CIC: variants seen among roughly 807,000 people sequenced by gnomAD.
The protein encoded by CIC is protein capicua homolog.
CIC carries 18 observed loss-of-function variants against 115.7 expected under a neutral mutation model. The observed-to-expected ratio is 0.16, with a 90% CI of 0.11 to 0.23. The LOEUF (loss-of-function observed/expected upper bound fraction) is 0.23. Ranked by LOEUF, CIC falls within the 10% of genes least tolerant of loss-of-function variation. The pLI, the probability that CIC is intolerant of heterozygous loss-of-function variation, is 1.00. For synonymous variants in CIC, 1,076 were observed against 923.0 expected, an observed-to-expected ratio of 1.17 and a Z score of -3.01; for missense variants, 2,000 against 2,159.3, an observed-to-expected ratio of 0.93 and a Z score of 1.46.
chr19:42,294,473 A>G, intron 19 of CIC, 131 bp from the exon 20 acceptor site: 9 of 1,545,936 alleles, frequency 5.8e-6, no homozygotes, highest in Non-Finnish European at 7.9e-6. Context: ...TTGCCCTGTG[A>G]CTGTGGGCAG....
intron 1 of CIC, among the ~76,000 whole-genome samples, chr19:42,271,228 C>T (rs751900283): frequency 8.5e-5 from 13 of 152,218 alleles, no homozygotes; most frequent in Non-Finnish European, 1.6e-4. Flanking sequence ...ATGTGACAGG[C>T]AGCACACTGA....
At position 42,292,388 on chromosome 19, in the gene CIC, G is replaced by A. The variant is rs767155091; in HGVS notation, c.5824G>A (p.Gly1942Arg). 6.8e-6 allele frequency: 11 copies of A among 1,612,608 alleles called. No homozygotes were observed. Among genetic ancestry groups the A allele is most frequent in the East Asian group, 2.2e-5 (1 of 44,866 alleles). Residue 1942 changes from glycine to arginine, a missense_variant, in exon 14 of 21, where the codon GGG becomes AGG. By Grantham distance (125) the Gly-to-Arg change is moderately radical. Around this residue, in one of 8 missense-constraint regions of CIC, gnomAD observed 1,466 missense variants for 1,390.4 expected, o/e 1.05. Transcript: ENST00000681038. ...CCAGGCTGGAACAGTCACCTCGTAC[G>A]GGCCCACGAGCTCTGTAGCTCTAGG... Reference protein sequence around the residue: ...SSQAGTVTSYGPTSSVALGFT... With the variant: ...SSQAGTVTSYRPTSSVALGFT...
chr19:42,295,143 G>GGGGCCCCCCCCCCCCCCCCCC lies in CIC; in HGVS notation c.7506_7507insGGGCCCCCCCCCCCCCCCCCC (p.Gln2502_Pro2503insGlyProProProProProPro). The stretch of plus-strand genomic sequence containing the variant: ...AGCCTGGCTGGGAGGGGGCTCCCCA[G>GGGGCCCCCCCCCCCCCCCCCC]CCCTCCCCCCCACCCCCAGGTCCCT... On this transcript the variant is annotated inframe_insertion, in exon 21 of 21. Transcript: ENST00000681038. 1.4e-6 allele frequency: 2 copies of GGGGCCCCCCCCCCCCCCCCCC among 1,382,728 alleles called. No homozygotes were observed. The highest frequency in any genetic ancestry group is 1.9e-6 in the Non-Finnish European group (2 of 1,037,818). The allele number at this position is 1,382,728 out of a possible 1,614,324, so 85.7% of individuals were successfully genotyped here. A position where few individuals can be genotyped will look rare whatever the true frequency, so the allele number is the denominator to read the frequency against.
Position 42,287,024 on chromosome 19 carries a change from C to T in CIC, c.2963C>T (p.Ala988Val), listed in dbSNP as rs2147175995. The change falls in exon 4 of 21, where the codon GCT becomes GTT. Residue 988 changes from alanine (A) to valine (V), a missense_variant. Ala to Val is a moderately conservative substitution (Grantham distance 64, BLOSUM62 0). Transcript: ENST00000681038. This position sits in a 1 kb window ranked among gnomAD's most constrained non-coding sequence, Gnocchi z 8.7. Reference sequence around the variant, plus strand: ...TCCCCAGAACCTGCTGAGTCGGCAGCTGTTGCTCATGAACGGCCACCAGGT... The same window carrying T: ...TCCCCAGAACCTGCTGAGTCGGCAGTTGTTGCTCATGAACGGCCACCAGGT... ...NQSKEPAESAAVAHERPPGGT... is the reference protein window; with the variant it reads ...NQSKEPAESAVVAHERPPGGT... 1 of 1,610,756 alleles carries T rather than the reference C, an allele frequency of 6.2e-7. No homozygotes were observed. The highest frequency in any genetic ancestry group is 8.5e-7 in the Non-Finnish European group (1 of 1,179,972).
rs1724576596 is a variant in CIC at position 42,289,063 on chromosome 19, C to A, written c.3834C>A (p.Asp1278Glu). The A allele has an allele frequency of 6.2e-7, 1 of 1,613,690 alleles. No individual in the cohort carries two copies. ...GVHSLDGGEVDSQALQELTQM... is the reference protein window; with the variant it reads ...GVHSLDGGEVESQALQELTQM... ...ACAGCCTGGACGGCGGAGAAGTAGA[C>A]AGTCAGGCGCTACAGGAACTGACGC... The change falls in exon 8 of 21, where the codon GAC becomes GAA. Residue 1278 changes from aspartate (D) to glutamate (E), a missense_variant. Physicochemically the swap from Asp to Glu is conservative, Grantham distance 45 (BLOSUM62 2). Coordinates refer to ENST00000681038, the MANE Select transcript of CIC (RefSeq NM_001386298.1).
At position 42,291,057 on chromosome 19, in the gene CIC, A is replaced by G. The variant is rs2038058972; in HGVS notation, c.5016A>G (p.Leu1672=). ...VGKAPATVTN[L]LVGTPGYGAP... ...AGGCGCCTGCCACTGTCACTAACCT[A>G]CTGGTGGGCACCCCGGGGTATGGGG... is the stretch of plus-strand genomic sequence containing the variant. Residue 1672 remains leucine, a synonymous_variant, in exon 11 of 21, where the codon CTA becomes CTG. Transcript: ENST00000681038. 1.2e-6 allele frequency: 2 copies of G among 1,613,628 alleles called. No homozygotes were observed. Among genetic ancestry groups the G allele is most frequent in the Non-Finnish European group, 1.7e-6 (2 of 1,179,880 alleles).
chr19:42,295,076 C>G lies in CIC; in HGVS notation c.7439C>G (p.Ala2480Gly). The change falls in exon 21 of 21, where the codon GCT becomes GGT. Residue 2480 changes from alanine (A) to glycine (G), a missense_variant. By Grantham distance (60) the Ala-to-Gly change is moderately conservative. This residue lies in a region of CIC where 133 missense variants were observed against 116.0 expected (regional missense o/e 1.15). Transcript: ENST00000681038. ...SPSSDSGTAQ[A>G]APPLPPPPES... ...AGCTCGGACTCTGGCACGGCCCAGG[C>G]TGCCCCGCCACTGCCTCCACCCCCA... 2.6e-6 allele frequency: 4 copies of G among 1,519,848 alleles called. No homozygotes were observed. Among genetic ancestry groups the G allele is most frequent in the Non-Finnish European group, 3.5e-6 (4 of 1,138,608 alleles). 94.1% of individuals were successfully genotyped at this position (1,519,848 alleles called of 1,614,324 possible). A position where few individuals can be genotyped will look rare whatever the true frequency, so the allele number is the denominator to read the frequency against.
rs1166161553 is a variant in CIC at position 42,294,018 on chromosome 19, C to T, written c.6851C>T (p.Thr2284Ile). 1 of 1,613,630 alleles carries T rather than the reference C, an allele frequency of 6.2e-7. No individual in the cohort carries two copies. Among genetic ancestry groups the T allele is most frequent in the Admixed American group, 1.7e-5 (1 of 60,024 alleles). Residue 2284 changes from threonine to isoleucine, a missense_variant, in exon 18 of 21, where the codon ACC (threonine) becomes ATC (isoleucine). Thr to Ile is a moderately conservative substitution (Grantham distance 89, BLOSUM62 -1). Transcript: ENST00000681038. Reference sequence around the variant, plus strand: ...CCTGAGGAGGTGCTGCCCTCCCCCACCCTGCAGTCTCTGGCCACCTCACCC... The same window carrying T: ...CCTGAGGAGGTGCTGCCCTCCCCCATCCTGCAGTCTCTGGCCACCTCACCC... ...FRPEEVLPSP[T>I]LQSLATSPRA...
In CIC at chr19:42,280,833, C is replaced by G. The variant is rs2037203202; in HGVS notation, c.2795-5938C>G. Among the ~76,000 whole-genome samples, 2 of 152,048 alleles carry G rather than the reference C, an allele frequency of 1.3e-5. No homozygotes were observed. Among genetic ancestry groups the G allele is most frequent in the East Asian group, 3.9e-4 (2 of 5,152 alleles). On this transcript the variant is annotated intron_variant, in intron 2 of 20. Transcript: ENST00000681038. This position sits in a 1 kb window ranked among gnomAD's most constrained non-coding sequence, Gnocchi z 4.9. The stretch of plus-strand genomic sequence containing the variant: ...CCTTGGCGCCTCCCTCAGCCCGCGC[C>G]GACCAACCCTCCCAGCCCAAGCGCC...
chr19:42,288,119 G>A (rs374919344), intron 7 of CIC, 144 bp downstream of exon 7: 15 of 891,884 alleles, frequency 1.7e-5, no homozygotes, highest in African/African-American at 1.0e-4. Flanking sequence ...TAAAGGAACC[G>A]GCAGTTGATT....
Position 42,294,825 on chromosome 19 carries a change from C to T in CIC, c.7188C>T (p.Ala2396=), listed in dbSNP as rs1227524847. The T allele has an allele frequency of 1.2e-6, 2 of 1,603,034 alleles. No homozygotes were observed. The highest frequency in any genetic ancestry group is 1.3e-5 in the African/African-American group (1 of 74,928). The part of the protein sequence containing the change: ...LFQDHGFFPS[A]QATAAFQARY... ...TCCCCACCGTTTTTCTATCTCCAGC[C>T]CAGGCCACAGCCGCCTTCCAGGCCC... Residue 2396 remains alanine, a splice_region_variant and synonymous_variant, in exon 21 of 21, where the codon GCC becomes GCT. Transcript: ENST00000681038.
At chr19:42,290,193 G>T (rs2037971670) in intron 10 of CIC, 40 bp from the exon 11 acceptor site, 1 of 1,613,452 alleles carries the variant, frequency 6.2e-7, no homozygotes, top group Admixed American at 1.7e-5. Flanking sequence ...CGAGGTGTCG[G>T]AGTGTCCTGA....
Position 42,272,485 on chromosome 19 carries a change from C to T in CIC, c.702C>T (p.Phe234=). 2.5e-6 allele frequency: 1 copy of T among 398,420 alleles called. No individual in the cohort carries two copies. The highest frequency in any genetic ancestry group is 3.6e-5 in the East Asian group (1 of 28,074). The allele number at this position is 398,420 out of a possible 1,614,324, so 24.7% of individuals were successfully genotyped here. A position where few individuals can be genotyped will look rare whatever the true frequency, so the allele number is the denominator to read the frequency against. Residue 234 remains phenylalanine (F), a synonymous_variant, in exon 2 of 21, where the codon TTC becomes TTT. Coordinates refer to ENST00000681038, the MANE Select transcript of CIC (RefSeq NM_001386298.1). ...GAAGCCAGGACCTGGGCGTGCAGTTCCCTGGTGACCGAGCCCTGACTTTCT... is the reference window on the plus strand; with the variant it reads ...GAAGCCAGGACCTGGGCGTGCAGTTTCCTGGTGACCGAGCCCTGACTTTCT... ...VRRSQDLGVQ[F]PGDRALTFYE...
At position 42,288,925 on chromosome 19, in the gene CIC, C is replaced by T. The variant is rs368991948; in HGVS notation, c.3696C>T (p.Leu1232=). 4 of 1,614,132 alleles carry T rather than the reference C, an allele frequency of 2.5e-6. No homozygotes were observed. The highest frequency in any genetic ancestry group is 2.7e-5 in the African/African-American group (2 of 75,050). ...TCCTGTCCGTTGCAGCCCAGACACT[C>T]CTGAGCTCAGACACCAAGGCTCCGG... ...SELLSVAAQT[L]LSSDTKAPGS... Residue 1232 remains leucine (L), a synonymous_variant, in exon 8 of 21, where the codon CTC becomes CTT. Transcript: ENST00000681038.
chr19:42,287,206 C>T lies in CIC; in HGVS notation c.3145C>T (p.Leu1049=), dbSNP rs2147184061. The T allele has an allele frequency of 3.1e-6, 5 of 1,613,742 alleles. No individual in the cohort carries two copies. Among genetic ancestry groups the T allele is most frequent in the Non-Finnish European group, 4.2e-6 (5 of 1,179,926 alleles). ...EASGPPGEPR[L]DSETESDHDD... ...CTCCGGCCCCCCAGGAGAGCCCCGG[C>T]TGGACAGTGAGACAGAGAGTGACCA... The change falls in exon 4 of 21, where the codon CTG becomes TTG. Residue 1049 remains leucine, a synonymous_variant. Coordinates refer to ENST00000681038, the MANE Select transcript of CIC (RefSeq NM_001386298.1). This position sits in a 1 kb window ranked among gnomAD's most constrained non-coding sequence, Gnocchi z 8.7.
chr19:42,271,756 C>A lies in CIC; in HGVS notation c.-10-18C>A. 5.0e-6 allele frequency: 2 copies of A among 398,680 alleles called. No homozygotes were observed. The highest frequency in any genetic ancestry group is 8.8e-6 in the Non-Finnish European group (2 of 226,124). The allele number at this position is 398,680 out of a possible 1,614,324, so 24.7% of individuals were successfully genotyped here. A position where few individuals can be genotyped will look rare whatever the true frequency, so the allele number is the denominator to read the frequency against. ...TCCTGAGTTGCTCCGCGTAATCCTC[C>A]GCTCTCCCACCCTGCAGGTGGACAA... On this transcript the variant is annotated intron_variant, in intron 1 of 20. Transcript: ENST00000681038.
chr19:42,291,787 C>T (rs1599922506), intron 12 of CIC, 42 bp downstream of exon 12: 2 of 1,605,676 alleles, frequency 1.2e-6, no homozygotes, highest in East Asian at 2.2e-5. Context: ...ATGTTGGCCC[C>T]TGTACCCCAT....
At chr19:42,288,681 T>C (rs2037844478) in intron 7 of CIC, among the ~76,000 whole-genome samples, 1 of 151,940 alleles carries the variant, frequency 6.6e-6, no homozygotes, top group African/African-American at 2.4e-5. Context: ...CCCCAGGGAA[T>C]GGGCCTGCTG....
At chr19:42,278,262 G>T (rs555394627) in intron 2 of CIC, among the ~76,000 whole-genome samples, 1 of 152,240 alleles carries the variant, frequency 6.6e-6, no homozygotes, top group African/African-American at 2.4e-5. Context: ...AGTCCAGGAG[G>T]CCAGATGTCT....
Sources: allele counts gnomAD v4.1 joint callset (sites outside exome capture counted in the v4.1 genomes callset), GRCh38; gene constraint gnomAD v4.1.1; regional missense constraint gnomAD v4.1.1; non-coding constraint Gnocchi (gnomAD v3.1); transcripts MANE v1.5; gene names NCBI Gene and HGNC (gene_info 2026-07-23, HGNC 2026-07-21).